The following CAMTA1 variants were observed in gnomAD, a reference collection of about 807,000 sequenced individuals.
CAMTA1 encodes calmodulin binding transcription activator 1, also known as calmodulin-binding transcription activator 1.
CAMTA1 carries 27 observed loss-of-function variants against 170.9 expected under a neutral mutation model. The ratio of observed to expected loss-of-function variants is 0.16; its 90% CI spans 0.12 to 0.22. CAMTA1 has a LOEUF of 0.22. Among genes scored for constraint, CAMTA1 ranks in the 10% least tolerant of loss-of-function variants. The pLI is 1.00. For synonymous variants in CAMTA1, 833 were observed against 891.5 expected, an observed-to-expected ratio of 0.93 and a Z score of 1.17; for missense variants, 1,619 against 2,217.2, an observed-to-expected ratio of 0.73 and a Z score of 5.42.
chr1:7,229,010 C>T (rs1451803648), intron 4 of CAMTA1, among the ~76,000 whole-genome samples: 8 of 152,108 alleles, frequency 5.3e-5, no homozygotes, highest in Non-Finnish European at 1.0e-4. Context: ...CCCTTCACAG[C>T]AGTACAGAAA....
intron 3 of CAMTA1, among the ~76,000 whole-genome samples, chr1:6,913,169 C>G (rs975038950): frequency 5.3e-5 from 8 of 152,144 alleles, no homozygotes; most frequent in African/African-American, 1.9e-4. Context: ...AGGAAGGGGT[C>G]GTATTTTAGA....
At chr1:6,957,707 C>T (rs1257471955) in intron 3 of CAMTA1, among the ~76,000 whole-genome samples, 1 of 151,110 alleles carries the variant, frequency 6.6e-6, no homozygotes, top group African/African-American at 2.5e-5. Context: ...ATCTCGAGAT[C>T]AGCTGATTAG....
intron 5 of CAMTA1, among the ~76,000 whole-genome samples, chr1:7,339,214 T>C (rs1381060253): frequency 6.6e-6 from 1 of 152,232 alleles, no homozygotes; most frequent in Non-Finnish European, 1.5e-5. Flanking sequence ...ATGGTGGTGA[T>C]TGTGCAACTC....
intron 5 of CAMTA1, among the ~76,000 whole-genome samples, chr1:7,452,051 GA>G (rs1205955786): frequency 6.6e-6 from 1 of 152,220 alleles, no homozygotes; most frequent in Non-Finnish European, 1.5e-5. Flanking sequence ...AGGCTACACA[GA>G]ACACCAGGCC....
intron 6 of CAMTA1, among the ~76,000 whole-genome samples, chr1:7,617,806 A>G (rs1461186542): frequency 6.6e-6 from 1 of 150,986 alleles, no homozygotes; most frequent in East Asian, 2.0e-4. Context: ...TGATTGTGAA[A>G]TAGTCCAGTG....
At chr1:7,289,219 C>G (rs1419296610) in intron 5 of CAMTA1, among the ~76,000 whole-genome samples, 1 of 152,132 alleles carries the variant, frequency 6.6e-6, no homozygotes, top group Non-Finnish European at 1.5e-5. Context: ...CTGGGGATTA[C>G]AATTCAACAT....
In CAMTA1 at chr1:7,562,633, A is replaced by G. The variant is rs2094973616; in HGVS notation, c.511-77767A>G. Among the ~76,000 whole-genome samples the G allele has an allele frequency of 6.6e-6, 1 of 152,066 alleles. No homozygotes were observed. The highest frequency in any genetic ancestry group is 1.5e-5 in the Non-Finnish European group (1 of 68,002). On this transcript the variant is annotated intron_variant, in intron 6 of 22. Transcript: ENST00000303635. This position sits in a 1 kb window ranked among gnomAD's most constrained non-coding sequence, Gnocchi z 4.8. ...CTCTTTTTCGGAGATGTCACCCACA[A>G]CCGTCCGAAGAGATACCCAAATTGT... is the stretch of plus-strand genomic sequence containing the variant.
At chr1:7,230,646 A>T (rs1314373603) in intron 4 of CAMTA1, among the ~76,000 whole-genome samples, 2 of 152,054 alleles carry the variant, frequency 1.3e-5, no homozygotes, top group African/African-American at 4.8e-5. Flanking sequence ...TGGAGGGTGG[A>T]GGGTTATCCC....
intron 3 of CAMTA1, among the ~76,000 whole-genome samples, chr1:6,877,404 G>T (rs1557748035): frequency 6.6e-6 from 1 of 152,292 alleles, no homozygotes; most frequent in Admixed American, 6.5e-5. Context: ...GAAACACATG[G>T]TGAAGGTGTG....
chr1:7,097,952 A>G (rs1438791395), intron 4 of CAMTA1, among the ~76,000 whole-genome samples: 1 of 152,168 alleles, frequency 6.6e-6, no homozygotes, highest in East Asian at 1.9e-4. Flanking sequence ...AATGTGCTTA[A>G]TGCCACTGAA....
intron 22 of CAMTA1, among the ~76,000 whole-genome samples, chr1:7,758,859 C>T (rs980376525): frequency 2.0e-5 from 3 of 147,918 alleles, no homozygotes; most frequent in Admixed American, 1.4e-4. Context: ...GGTGTGAATC[C>T]GGGAGGCGGA....
At chr1:7,405,867 G>A (rs775430752) in intron 5 of CAMTA1, among the ~76,000 whole-genome samples, 17 of 152,310 alleles carry the variant, frequency 1.1e-4, no homozygotes, top group Middle Eastern at 3.4e-3. Flanking sequence ...GCTGGCTGAG[G>A]ACAGCACCTC....
At position 7,211,200 on chromosome 1, in the gene CAMTA1, G is replaced by A. The variant is rs533727509; in HGVS notation, c.303-38291G>A. Among the ~76,000 whole-genome samples the A allele has an allele frequency of 1.8e-4, 27 of 152,300 alleles. No individual in the cohort carries two copies. In the South Asian group the frequency reaches 2.1e-3, roughly 12 times the overall value. ...ACTTCATCCATAAACACTTTGGCAG[G>A]CATGATAGTGTCTCGACTTTAACAT... On this transcript the variant is annotated intron_variant, in intron 4 of 22. Coordinates refer to ENST00000303635, the MANE Select transcript of CAMTA1 (RefSeq NM_015215.4).
chr1:7,483,844 C>A (rs1056789406), intron 6 of CAMTA1, among the ~76,000 whole-genome samples: 1 of 152,126 alleles, frequency 6.6e-6, no homozygotes, highest in African/African-American at 2.4e-5. Flanking sequence ...CCAGGGGTGG[C>A]TCCTGGAGTC....
chr1:6,824,048 A>G (rs936180448), intron 2 of CAMTA1, among the ~76,000 whole-genome samples: 8 of 152,184 alleles, frequency 5.3e-5, no homozygotes, highest in African/African-American at 1.9e-4. Flanking sequence ...CTTGACTCTG[A>G]GTTCAGTGTT....
Position 7,389,322 on chromosome 1 carries a change from G to T in CAMTA1, c.439-78508G>T, listed in dbSNP as rs1425473681. 4 of 152,842 alleles carry T rather than the reference G, an allele frequency of 2.6e-5. No individual in the cohort carries two copies. The East Asian group carries it at 7.7e-4, about 29-fold the overall frequency. 9.5% of individuals were successfully genotyped at this position (152,842 alleles called of 1,614,324 possible). A position where few individuals can be genotyped will look rare whatever the true frequency, so the allele number is the denominator to read the frequency against. ...CAGTGCTCCCCCTGCAGCCCTGCTG[G>T]GTCTCCCTGGAGCTCACCATCCGGA... On this transcript the variant is annotated intron_variant, in intron 5 of 22. Transcript: ENST00000303635.
In CAMTA1 at chr1:7,248,784, T is replaced by C. The variant is rs990062845; in HGVS notation, c.303-707T>C. 1.3e-5 allele frequency among the ~76,000 whole-genome samples: 2 copies of C among 152,136 alleles called. No homozygotes were observed. Among genetic ancestry groups the C allele is most frequent in the Non-Finnish European group, 2.9e-5 (2 of 68,028 alleles). On this transcript the variant is annotated intron_variant, in intron 4 of 22. Coordinates refer to ENST00000303635, the MANE Select transcript of CAMTA1 (RefSeq NM_015215.4). The surrounding 1 kb of genome is among the most constrained non-coding windows in gnomAD (Gnocchi z 4.0). ...ATCATCACACGAATGACCATCTAAC[T>C]CTTAGCATTTAGGGAGCAAGCCGCT... is the stretch of plus-strand genomic sequence containing the variant.
At chr1:6,873,795 C>T (rs1288217274) in intron 3 of CAMTA1, among the ~76,000 whole-genome samples, 1 of 152,120 alleles carries the variant, frequency 6.6e-6, no homozygotes, top group African/African-American at 2.4e-5. Flanking sequence ...ATTTGGTTAG[C>T]ATTTAGGACA....
intron 5 of CAMTA1, among the ~76,000 whole-genome samples, chr1:7,344,197 G>T (rs75876878): frequency 0.015 from 2,289 of 152,346 alleles, 43 homozygotes; most frequent in African/African-American, 0.051. Context: ...CCGGCCTGAA[G>T]GGGCCTGGGC....
Sources: gnomAD v4.1 joint callset for allele counts (sites outside exome capture counted in the v4.1 genomes callset) on GRCh38, gnomAD v4.1.1 for gene constraint, Gnocchi (gnomAD v3.1) non-coding constraint, MANE v1.5 for transcripts, NCBI Gene and HGNC (gene_info 2026-07-23, HGNC 2026-07-21) for gene names.